PPP2R1B: variants seen among roughly 807,000 people sequenced by gnomAD.
PPP2R1B encodes protein phosphatase 2 scaffold subunit Abeta, also known as serine/threonine-protein phosphatase 2A 65 kDa regulatory subunit A beta isoform.
PPP2R1B carries 58 observed loss-of-function variants against 72.7 expected under a neutral mutation model. The ratio of observed to expected loss-of-function variants is 0.80; its 90% CI spans 0.65 to 0.99. The LOEUF is 0.99. Ranked by LOEUF, PPP2R1B falls within the 50% of genes least tolerant of loss-of-function variation. PPP2R1B has a pLI of 0.00. For synonymous variants in PPP2R1B, 256 were observed against 264.6 expected (o/e 0.97, Z 0.32); for missense variants, 695 against 733.6 (o/e 0.95, Z 0.61).
Position 111,740,299 on chromosome 11 carries a change from C to T in PPP2R1B, c.*1297G>A, listed in dbSNP as rs897042321. On this transcript the variant is annotated 3_prime_UTR_variant, in exon 15 of 15. Transcript: ENST00000527614. ...GTGGCGCGATCTCGGCTCAGTGCAACCTCTACCTCCCAGGTTCAAGCAATT... is the reference window on the plus strand; with the variant it reads ...GTGGCGCGATCTCGGCTCAGTGCAATCTCTACCTCCCAGGTTCAAGCAATT... 1.1e-6 allele frequency: 1 copy of T among 904,016 alleles called. No homozygotes were observed. Among genetic ancestry groups the T allele is most frequent in the Non-Finnish European group, 1.3e-6 (1 of 756,200 alleles). The allele number at this position is 904,016 out of a possible 1,614,324, so 56.0% of individuals were successfully genotyped here. A position where few individuals can be genotyped will look rare whatever the true frequency, so the allele number is the denominator to read the frequency against.
chr11:111,698,384 T>C, the PPP2R1B span, among the ~76,000 whole-genome samples: 1 of 152,112 alleles, frequency 6.6e-6, no homozygotes. Context: ...CTCCTTTGAG[T>C]TTATTTCACC....
rs1057511477 is a variant in PPP2R1B, at chr11:111,739,906, T to G, written c.*1690A>C. On this transcript the variant is annotated 3_prime_UTR_variant, in exon 15 of 15. Coordinates refer to ENST00000527614, the MANE Select transcript of PPP2R1B (RefSeq NM_002716.5). The stretch of plus-strand genomic sequence containing the variant: ...AATAGAAACTTACTATAAGGTAATT[T>G]GGCAGTTTAAAATGCAGACAGATAA... 1.0e-6 allele frequency: 1 copy of G among 982,056 alleles called. No homozygotes were observed. The highest frequency in any genetic ancestry group is 1.2e-6 in the Non-Finnish European group (1 of 826,856). 60.8% of individuals were successfully genotyped at this position (982,056 alleles called of 1,614,324 possible).
chr11:111,737,795 CT>C, downstream of PPP2R1B: 1 of 1,314,408 alleles, frequency 7.6e-7, no homozygotes, highest in Non-Finnish European at 9.9e-7. Context: ...CCCATCGGGC[CT>C]TTTGGTGTCC....
At chr11:111,712,147 A>C in the PPP2R1B span, 2 of 1,454,198 alleles carry the variant, frequency 1.4e-6, no homozygotes, top group Non-Finnish European at 1.9e-6. Flanking sequence ...TATTCTTAGA[A>C]CTTTGTGTAT....
the PPP2R1B span, among the ~76,000 whole-genome samples, chr11:111,716,880 C>T: frequency 1.3e-5 from 2 of 152,078 alleles, no homozygotes; most frequent in Non-Finnish European, 2.9e-5. Context: ...TGCAATCTAT[C>T]CATCTGACAA....
intron 3 of PPP2R1B, 175 bp from the exon 4 acceptor site, chr11:111,761,226 C>T (rs1555051351): frequency 1.4e-6 from 1 of 709,810 alleles, no homozygotes; most frequent in Admixed American, 2.0e-5. Flanking sequence ...TGCGGCCAAC[C>T]CAAAGACACG....
chr11:111,717,336 A>AAG, the PPP2R1B span, among the ~76,000 whole-genome samples: 1 of 150,534 alleles, frequency 6.6e-6, no homozygotes, highest in Non-Finnish European at 1.5e-5. Flanking sequence ...AAAAAAAAAA[A>AAG]AAAAAAAGCT....
chr11:111,749,567 G>A lies in PPP2R1B; in HGVS notation c.1339-1553C>T, dbSNP rs887845927. On this transcript the variant is annotated intron_variant, in intron 10 of 14. Transcript: ENST00000527614. ...CCCAAAGTGCTGGGATTACAAGCGT[G>A]AGCCACTACGCCTGGCCTATTTTCC... Among the ~76,000 whole-genome samples the A allele has an allele frequency of 2.0e-5, 3 of 152,248 alleles. No homozygotes were observed. In the East Asian group the frequency reaches 5.8e-4, roughly 29 times the overall value.
At chr11:111,765,870 G>C (rs1555052907) in intron 1 of PPP2R1B, 1 of 486,826 alleles carries the variant, frequency 2.1e-6, no homozygotes, top group Non-Finnish European at 4.0e-6. Flanking sequence ...TGGGCATCCT[G>C]CGCCCCTCAG....
At chr11:111,720,337 G>T in the PPP2R1B span, 1 of 939,594 alleles carries the variant, frequency 1.1e-6, no homozygotes, top group Non-Finnish European at 1.6e-6. Context: ...AAATTGGCCA[G>T]TAAAAGGGCT....
At chr11:111,712,221 T>G in the PPP2R1B span, 2 of 1,614,204 alleles carry the variant, frequency 1.2e-6, no homozygotes, top group Non-Finnish European at 1.7e-6. Flanking sequence ...GCACAGACTG[T>G]GGGGCTCCCA....
intron 5 of PPP2R1B, among the ~76,000 whole-genome samples, chr11:111,755,741 C>T (rs887047548): frequency 1.6e-4 from 25 of 151,980 alleles, no homozygotes; most frequent in African/African-American, 5.8e-4. Flanking sequence ...AGGCAGGAGC[C>T]ACCACGCCCA....
chr11:111,698,209 G>A, the PPP2R1B span, among the ~76,000 whole-genome samples: 4 of 152,148 alleles, frequency 2.6e-5, no homozygotes, highest in South Asian at 8.3e-4. Context: ...AAGCAAACAG[G>A]AAGCTTTCTT....
chr11:111,766,117 CCCCTT>C lies in PPP2R1B; in HGVS notation c.114+126_114+130del, dbSNP rs1251069092. 44 of 822,284 alleles carry C rather than the reference CCCCTT, an allele frequency of 5.4e-5. No homozygotes were observed. In the East Asian group the frequency reaches 1.2e-3, roughly 22 times the overall value. The allele number at this position is 822,284 out of a possible 1,614,324, so 50.9% of individuals were successfully genotyped here. ...GCCCCTCGCGGAGCATTCCCCGCCT[CCCCTT>C]CAAGTTTCTGCTACGAGTCCGACTC... On this transcript the variant is annotated intron_variant, in intron 1 of 14. Transcript: ENST00000527614.
chr11:111,690,321 A>G, the PPP2R1B span, among the ~76,000 whole-genome samples: 1 of 150,344 alleles, frequency 6.7e-6, no homozygotes, highest in Non-Finnish European at 1.5e-5. Flanking sequence ...GAAGGGGGAA[A>G]ACTCCTGCTA....
intron 3 of PPP2R1B, 163 bp from the exon 4 acceptor site, chr11:111,761,214 G>A (rs1385996220): frequency 4.1e-6 from 3 of 740,174 alleles, no homozygotes; most frequent in East Asian, 5.4e-5. Flanking sequence ...GATAACATAT[G>A]GTGCGGCCAA....
At chr11:111,713,543 C>A in the PPP2R1B span, among the ~76,000 whole-genome samples, 2 of 152,152 alleles carry the variant, frequency 1.3e-5, no homozygotes, top group African/African-American at 2.4e-5. Context: ...GGTTTCCTGT[C>A]TTTTTAGCCT....
chr11:111,727,075 T>C (rs1015675032), intron 15 of PPP2R1B: 15 of 1,607,820 alleles, frequency 9.3e-6, no homozygotes, highest in African/African-American at 2.7e-5. Context: ...GCAAACAGCA[T>C]GTTAGCCCGA....
downstream of PPP2R1B, chr11:111,724,144 T>C (rs1425520448): frequency 6.3e-7 from 1 of 1,599,306 alleles, no homozygotes; most frequent in Non-Finnish European, 8.5e-7. Context: ...AGCACAGGAA[T>C]TGAGGTGGGT....
Sources: allele counts gnomAD v4.1 joint callset (sites outside exome capture counted in the v4.1 genomes callset), GRCh38; gene constraint gnomAD v4.1.1; transcripts MANE v1.5; gene names NCBI Gene and HGNC (gene_info 2026-07-23, HGNC 2026-07-21).